Variants in THSD7A observed in about 807,000 individuals in gnomAD.
The protein encoded by THSD7A is thrombospondin type 1 domain containing 7A.
A neutral mutation model predicts 231.3 loss-of-function variants in THSD7A; 96 were observed. That is an observed-to-expected ratio of 0.41 (90% CI 0.35 to 0.49). The LOEUF is 0.49. Among genes scored for constraint, THSD7A ranks in the 20% least tolerant of loss-of-function variants. THSD7A has a pLI of 0.05. For missense variants in THSD7A, 2,290 were observed against 2,070.2 expected, an observed-to-expected ratio of 1.11 and a Z score of -2.06; for synonymous variants, 940 against 743.3, an observed-to-expected ratio of 1.26 and a Z score of -4.30.
rs1489907777 is a variant in THSD7A at position 11,786,127 on chromosome 7, A to G, written c.190+45630T>C. Among the ~76,000 whole-genome samples, 3 of 148,394 alleles carry G rather than the reference A, an allele frequency of 2.0e-5. No individual in the cohort carries two copies. In the East Asian group the frequency reaches 5.8e-4, roughly 29 times the overall value. On this transcript the variant is annotated intron_variant, in intron 1 of 27. Coordinates refer to ENST00000423059, the MANE Select transcript of THSD7A (RefSeq NM_015204.3). ...TTGCTCTTTCTCCAACAGATCCTTC[A>G]TCCCAGTCTCTAATAGTTTGGTTAA...
intron 1 of THSD7A, among the ~76,000 whole-genome samples, chr7:11,766,997 T>C (rs1055918630): frequency 1.3e-4 from 20 of 152,102 alleles, no homozygotes; most frequent in Admixed American, 1.3e-3. Flanking sequence ...AAATGCAAAT[T>C]GAAATGGTTA....
chr7:11,772,755 T>C (rs1783275435), intron 1 of THSD7A, among the ~76,000 whole-genome samples: 1 of 152,096 alleles, frequency 6.6e-6, no homozygotes, highest in African/African-American at 2.4e-5. Context: ...AAATTACCTA[T>C]AGTGTACTCT....
chr7:11,499,874 C>A (rs983164561), intron 6 of THSD7A, among the ~76,000 whole-genome samples: 1 of 152,104 alleles, frequency 6.6e-6, no homozygotes, highest in African/African-American at 2.4e-5. Flanking sequence ...GGGGAGAAAA[C>A]AAACAACTTG....
At chr7:11,493,524 G>A (rs577583899) in intron 6 of THSD7A, among the ~76,000 whole-genome samples, 165 of 152,220 alleles carry the variant, frequency 1.1e-3, no homozygotes, top group African/African-American at 3.8e-3. Flanking sequence ...TGATGCATTA[G>A]TATGTGGGAA....
chr7:11,388,706 T>G (rs1782862965), intron 23 of THSD7A, among the ~76,000 whole-genome samples: 1 of 150,970 alleles, frequency 6.6e-6, no homozygotes, highest in Admixed American at 6.6e-5. Context: ...TTCTGCTAGC[T>G]TTTGAATTTG....
chr7:11,482,671 C>T (rs1466993725), intron 6 of THSD7A, among the ~76,000 whole-genome samples: 1 of 152,162 alleles, frequency 6.6e-6, no homozygotes, highest in Non-Finnish European at 1.5e-5. Context: ...TTCCCTGTTG[C>T]TCTTAAGATA....
chr7:11,748,150 G>C (rs1230917632), intron 1 of THSD7A, among the ~76,000 whole-genome samples: 1 of 151,966 alleles, frequency 6.6e-6, no homozygotes, highest in Non-Finnish European at 1.5e-5. Flanking sequence ...AACTGCAGGA[G>C]AGAATGTGTG....
chr7:11,685,688 T>G (rs1241221480), intron 1 of THSD7A, among the ~76,000 whole-genome samples: 2 of 151,818 alleles, frequency 1.3e-5, no homozygotes, highest in Non-Finnish European at 2.9e-5. Context: ...CTCATACCAG[T>G]CAGGATGGCT....
At chr7:11,505,796 T>A (rs1787520319) in intron 6 of THSD7A, among the ~76,000 whole-genome samples, 1 of 152,148 alleles carries the variant, frequency 6.6e-6, no homozygotes, top group Admixed American at 6.5e-5. Flanking sequence ...ACGACTGCCA[T>A]CTGTGCAGTT....
chr7:11,763,078 T>C (rs566953921), intron 1 of THSD7A, among the ~76,000 whole-genome samples: 3 of 152,296 alleles, frequency 2.0e-5, no homozygotes, highest in Admixed American at 1.3e-4. Context: ...TGGGTCCCTA[T>C]CACTGACCAG....
At chr7:11,534,205 G>C (rs1788822471) in intron 6 of THSD7A, among the ~76,000 whole-genome samples, 2 of 152,134 alleles carry the variant, frequency 1.3e-5, no homozygotes. Context: ...ATTGTAACCA[G>C]AGAGTAGACC....
intron 13 of THSD7A, among the ~76,000 whole-genome samples, chr7:11,430,133 C>G (rs1039733011): frequency 6.6e-6 from 1 of 152,120 alleles, no homozygotes; most frequent in African/African-American, 2.4e-5. Context: ...ATCTCAACAG[C>G]AGAGATTCGA....
intron 6 of THSD7A, among the ~76,000 whole-genome samples, chr7:11,497,228 G>A (rs1787139285): frequency 6.6e-6 from 1 of 152,138 alleles, no homozygotes; most frequent in African/African-American, 2.4e-5. Context: ...TAGGATGAGG[G>A]AAACTGCCCC....
intron 1 of THSD7A, among the ~76,000 whole-genome samples, chr7:11,678,082 T>C (rs1406469153): frequency 6.6e-6 from 1 of 152,144 alleles, no homozygotes; most frequent in South Asian, 2.1e-4. Context: ...AACAACCTGC[T>C]CCTGAATGAC....
At chr7:11,452,924 A>G (rs1210945041) in intron 11 of THSD7A, among the ~76,000 whole-genome samples, 1 of 152,046 alleles carries the variant, frequency 6.6e-6, no homozygotes, top group Non-Finnish European at 1.5e-5. Context: ...TAATAAATAT[A>G]TCAGCCAAAA....
At chr7:11,645,255 A>T (rs1782235902) in intron 1 of THSD7A, among the ~76,000 whole-genome samples, 2 of 151,778 alleles carry the variant, frequency 1.3e-5, no homozygotes, top group South Asian at 2.1e-4. Context: ...ATTTTCCAGC[A>T]TTCTCATGGA....
intron 6 of THSD7A, among the ~76,000 whole-genome samples, chr7:11,539,694 G>T (rs1349859536): frequency 6.6e-6 from 1 of 152,098 alleles, no homozygotes; most frequent in Non-Finnish European, 1.5e-5. Context: ...TTAAATAGCT[G>T]GCTCCTTTAG....
chr7:11,593,321 C>T lies in THSD7A; in HGVS notation c.1204G>A (p.Glu402Lys), dbSNP rs201735347. The T allele has an allele frequency of 1.2e-6, 2 of 1,613,860 alleles. No homozygotes were observed. The highest frequency in any genetic ancestry group is 1.7e-6 in the Non-Finnish European group (2 of 1,179,892). ...TCTTTTTCTTCAAATTCTGGACACT[C>T]CTTTTCACTGCCAATGGGAAACTGC... The part of the protein sequence containing the change: ...IRQFPIGSEK[E>K]CPEFEEKEPC... The change falls in exon 3 of 28, where the codon GAG becomes AAG. Residue 402 changes from glutamate to lysine, a missense_variant. Coordinates refer to ENST00000423059, the MANE Select transcript of THSD7A (RefSeq NM_015204.3).
chr7:11,580,049 G>GT (rs899774414), intron 4 of THSD7A, among the ~76,000 whole-genome samples: 14 of 152,028 alleles, frequency 9.2e-5, no homozygotes, highest in African/African-American at 2.2e-4. Flanking sequence ...AAATCTGGCT[G>GT]TTTTTTTTAA....
Sources: allele counts gnomAD v4.1 joint callset (sites outside exome capture counted in the v4.1 genomes callset), GRCh38; gene constraint gnomAD v4.1.1; transcripts MANE v1.5; gene names NCBI Gene and HGNC (gene_info 2026-07-23, HGNC 2026-07-21).